SMARCA4: variants seen among roughly 807,000 people sequenced by gnomAD.
SMARCA4 encodes SWI/SNF-related matrix-associated actin-dependent regulator of chromatin subfamily A member 4.
SMARCA4 carries 31 observed loss-of-function variants against 193.9 expected under a neutral mutation model. That is an observed-to-expected ratio of 0.16 (90% CI 0.12 to 0.22). The LOEUF (loss-of-function observed/expected upper bound fraction) is 0.22, where lower values mean the gene tolerates loss of function less well. SMARCA4 is among the 10% of genes least tolerant of loss of function. The pLI, the probability that SMARCA4 is intolerant of heterozygous loss-of-function variation, is 1.00. For synonymous variants in SMARCA4, 942 were observed against 933.1 expected (o/e 1.01, Z -0.17); for missense variants, 1,148 against 2,296.0 (o/e 0.50, Z 10.22).
rs2145874233 is a variant in SMARCA4, at chr19:10,991,053, C to T, written c.1246-97C>T. ...GGTGTGTAAGGCACTTACAATGCTCCTTTAGCGGTGAAGCATGTGACATCA... is the reference window on the plus strand; with the variant it reads ...GGTGTGTAAGGCACTTACAATGCTCTTTTAGCGGTGAAGCATGTGACATCA... On this transcript the variant is annotated intron_variant, in intron 7 of 34. Coordinates refer to ENST00000344626, the MANE Select transcript of SMARCA4 (RefSeq NM_003072.5). 9 of 1,570,290 alleles carry T rather than the reference C, an allele frequency of 5.7e-6. No individual in the cohort carries two copies. In the South Asian group the frequency reaches 8.2e-5, roughly 14 times the overall value.
intron 18 of SMARCA4, chr19:11,021,449 G>C (rs996702967): frequency 1.8e-6 from 1 of 561,532 alleles, no homozygotes; most frequent in Non-Finnish European, 3.3e-6. Context: ...TGATTTTGCA[G>C]GGAAGCCAGA....
In SMARCA4 at chr19:11,034,038, C is replaced by T; in HGVS notation, c.3874-85C>T. 1.9e-6 allele frequency: 2 copies of T among 1,044,684 alleles called. No homozygotes were observed. Among genetic ancestry groups the T allele is most frequent in the South Asian group, 1.3e-5 (1 of 79,722 alleles). The allele number at this position is 1,044,684 out of a possible 1,614,324, so 64.7% of individuals were successfully genotyped here. A position where few individuals can be genotyped will look rare whatever the true frequency, so the allele number is the denominator to read the frequency against. ...CGTGCCGGGACCACCAGCTCATTCCCACGGACGCCGCCGCTCGCCTCTGAG... is the reference window on the plus strand; with the variant it reads ...CGTGCCGGGACCACCAGCTCATTCCTACGGACGCCGCCGCTCGCCTCTGAG... On this transcript the variant is annotated intron_variant, in intron 27 of 34. Transcript: ENST00000344626. The surrounding 1 kb of genome is among the most constrained non-coding windows in gnomAD (Gnocchi z 7.0).
In SMARCA4 at chr19:11,003,195, T is replaced by A. The variant is rs202084495; in HGVS notation, c.1943+36T>A. 2.7e-4 allele frequency: 440 copies of A among 1,613,616 alleles called. 1 individual carries two copies. In the African/African-American group the frequency reaches 5.6e-3, roughly 20 times the overall value. ...CCTTGCATTCCAGATGCAGTGGGGATCCAAGTCCTCGGTGGGCCTTGTTCC... is the reference window on the plus strand; with the variant it reads ...CCTTGCATTCCAGATGCAGTGGGGAACCAAGTCCTCGGTGGGCCTTGTTCC... On this transcript the variant is annotated intron_variant, in intron 12 of 34. Coordinates refer to ENST00000344626, the MANE Select transcript of SMARCA4 (RefSeq NM_003072.5).
chr19:11,046,096 G>A (rs1056139215), intron 30 of SMARCA4, among the ~76,000 whole-genome samples: 9 of 152,056 alleles, frequency 5.9e-5, no homozygotes, highest in Non-Finnish European at 4.4e-5. Context: ...GGTGGCGGGC[G>A]CCTGTAGTCC....
chr19:11,022,051 G>A (rs2146428443), intron 19 of SMARCA4, 84 bp downstream of exon 19: 1 of 1,592,456 alleles, frequency 6.3e-7, no homozygotes, highest in South Asian at 1.1e-5. Flanking sequence ...ACCAGCTACA[G>A]CTGGCTGGGC....
intron 13 of SMARCA4, among the ~76,000 whole-genome samples, chr19:11,007,301 A>G (rs1321642337): frequency 1.3e-5 from 2 of 152,114 alleles, no homozygotes; most frequent in East Asian, 3.9e-4. Context: ...ATGGTGGCGC[A>G]TGCCTGTAAT....
rs1005423738 is a variant in SMARCA4, at chr19:11,010,657, T to C, written c.2274+126T>C. ...TTTGCTCTTTGTGGGCAATGCACTC[T>C]TCCCCTCTGAGCCTCGGTTTCCCCA... On this transcript the variant is annotated intron_variant, in intron 15 of 34. Transcript: ENST00000344626. 6.7e-5 allele frequency: 60 copies of C among 901,004 alleles called. 1 individual carries two copies. Among genetic ancestry groups the C allele is most frequent in the South Asian group, 1.2e-4 (9 of 75,282 alleles). 55.8% of individuals were successfully genotyped at this position (901,004 alleles called of 1,614,324 possible). A position where few individuals can be genotyped will look rare whatever the true frequency, so the allele number is the denominator to read the frequency against.
In SMARCA4 at chr19:11,033,611, A is replaced by G. The variant is rs952567098; in HGVS notation, c.3774+94A>G. ...GTTTTTTTACCTTTTTTGCACTCTT[A>G]TTTTTTTTGCATCCCTTTGGAGTAA... On this transcript the variant is annotated intron_variant, in intron 26 of 34. Transcript: ENST00000344626. The surrounding 1 kb of genome is among the most constrained non-coding windows in gnomAD (Gnocchi z 9.8). 28 of 941,664 alleles carry G rather than the reference A, an allele frequency of 3.0e-5. No individual in the cohort carries two copies. The African/African-American group carries it at 4.5e-4, about 15-fold the overall frequency. 58.3% of individuals were successfully genotyped at this position (941,664 alleles called of 1,614,324 possible). A position where few individuals can be genotyped will look rare whatever the true frequency, so the allele number is the denominator to read the frequency against.
intron 16 of SMARCA4, among the ~76,000 whole-genome samples, chr19:11,016,518 C>T (rs1393164653): frequency 6.6e-6 from 1 of 152,148 alleles, no homozygotes; most frequent in Non-Finnish European, 1.5e-5. Flanking sequence ...TTCCCGTCTC[C>T]CCCATGTGCT....
intron 16 of SMARCA4, among the ~76,000 whole-genome samples, chr19:11,015,749 G>A (rs1397546709): frequency 6.6e-6 from 1 of 152,150 alleles, no homozygotes; most frequent in Admixed American, 6.5e-5. Context: ...GCTCACTCCT[G>A]TAATCCCAGC....
rs1568421853 is a variant in SMARCA4, at chr19:10,986,247, C to G, written c.414C>G (p.Gly138=). The part of the protein sequence containing the change: ...EHASSPVPAS[G]PSSGPQMSSG... ...CCTCTAGTCCAGTTCCAGCCAGTGG[C>G]CCGTCTTCGGGGCCCCAGATGTCTT... Residue 138 remains glycine, a synonymous_variant, in exon 4 of 35, where the codon GGC becomes GGG. Transcript: ENST00000344626. This position sits in a 1 kb window ranked among gnomAD's most constrained non-coding sequence, Gnocchi z 6.7. 6.2e-7 allele frequency: 1 copy of G among 1,613,960 alleles called. No individual in the cohort carries two copies. Among genetic ancestry groups the G allele is most frequent in the Non-Finnish European group, 8.5e-7 (1 of 1,179,998 alleles).
chr19:11,021,523 C>A, intron 18 of SMARCA4: 1 of 722,280 alleles, frequency 1.4e-6, no homozygotes, highest in South Asian at 1.5e-5. Flanking sequence ...CCTGTCTCTG[C>A]CCAAGGCTTG....
At chr19:11,060,683 T>C (rs2076814655) in intron 34 of SMARCA4, among the ~76,000 whole-genome samples, 1 of 152,134 alleles carries the variant, frequency 6.6e-6, no homozygotes, top group African/African-American at 2.4e-5. Flanking sequence ...CTCACCTCTG[T>C]CTCTGGCCCT....
At chr19:10,974,316 AGAT>A (rs1281761315) in intron 1 of SMARCA4, among the ~76,000 whole-genome samples, 1 of 152,140 alleles carries the variant, frequency 6.6e-6, no homozygotes, top group Non-Finnish European at 1.5e-5. Flanking sequence ...TTTCTATTTT[AGAT>A]GATAATTTTG....
intron 33 of SMARCA4, 27 bp from the exon 34 acceptor site, chr19:11,060,018 C>T (rs930254318): frequency 6.3e-7 from 1 of 1,592,030 alleles, no homozygotes; most frequent in Non-Finnish European, 8.5e-7. Flanking sequence ...GAGCTCAAGG[C>T]TGTCTTTCCC....
chr19:11,002,216 T>A (rs1255114844), intron 11 of SMARCA4, among the ~76,000 whole-genome samples: 1 of 152,044 alleles, frequency 6.6e-6, no homozygotes, highest in Non-Finnish European at 1.5e-5. Context: ...CAGTTTTCGT[T>A]AAAAAAATAA....
chr19:11,020,530 C>G (rs1247669948), intron 18 of SMARCA4: 1 of 152,194 alleles, frequency 6.6e-6, no homozygotes, highest in Non-Finnish European at 1.5e-5. Flanking sequence ...CCCACCTCAC[C>G]CTCCTGAGTA....
intron 16 of SMARCA4, 86 bp from the exon 17 acceptor site, chr19:11,018,871 G>A (rs544437462): frequency 8.0e-6 from 9 of 1,120,956 alleles, no homozygotes; most frequent in East Asian, 4.7e-5. Context: ...TGTTGGCCTC[G>A]CCCCTGACAG....
At chr19:11,032,905 A>G (rs753176844) in intron 25 of SMARCA4, among the ~76,000 whole-genome samples, 34 of 152,362 alleles carry the variant, frequency 2.2e-4, no homozygotes, top group Non-Finnish European at 3.8e-4. Context: ...CACTGCCACA[A>G]CACGGCCGAG....
Sources: gnomAD v4.1 joint callset for allele counts (sites outside exome capture counted in the v4.1 genomes callset) on GRCh38, gnomAD v4.1.1 for gene constraint, Gnocchi (gnomAD v3.1) non-coding constraint, MANE v1.5 for transcripts, NCBI Gene and HGNC (gene_info 2026-07-23, HGNC 2026-07-21) for gene names.